GPHN: variants seen among roughly 807,000 people sequenced by gnomAD.
The protein encoded by GPHN is gephyrin.
In GPHN, 17 loss-of-function variants were observed where a neutral mutation model predicts 95.5. The observed-to-expected ratio is 0.18, with a 90% CI of 0.12 to 0.27. GPHN has a LOEUF of 0.27. Among genes scored for constraint, GPHN ranks in the 10% least tolerant of loss-of-function variants. The pLI is 1.00. For synonymous variants in GPHN, 320 were observed against 322.5 expected (o/e 0.99, Z 0.08); for missense variants, 660 against 978.1 (o/e 0.67, Z 4.34).
At chr14:67,017,592 T>C (rs951731958) in intron 9 of GPHN, among the ~76,000 whole-genome samples, 7 of 152,120 alleles carry the variant, frequency 4.6e-5, no homozygotes, top group African/African-American at 1.7e-4. Context: ...CTATCATCTC[T>C]GTCATTACAG....
At chr14:66,852,414 T>C (rs907536420) in intron 4 of GPHN, among the ~76,000 whole-genome samples, 1 of 152,232 alleles carries the variant, frequency 6.6e-6, no homozygotes, top group African/African-American at 2.4e-5. Flanking sequence ...CGTGTTCACC[T>C]GTGCACACAT....
chr14:67,391,630 A>G, the GPHN span, among the ~76,000 whole-genome samples: 3 of 152,202 alleles, frequency 2.0e-5, no homozygotes, highest in Non-Finnish European at 4.4e-5. Context: ...ACACACATTC[A>G]CATGGTATAC....
the GPHN span, chr14:67,571,795 C>T: frequency 6.2e-7 from 1 of 1,613,970 alleles, no homozygotes; most frequent in Non-Finnish European, 8.5e-7. Flanking sequence ...GACGAGTCCT[C>T]TGGGTCTGAC....
the GPHN span, among the ~76,000 whole-genome samples, chr14:67,327,085 G>A: frequency 1.1e-4 from 17 of 152,288 alleles, no homozygotes; most frequent in Middle Eastern, 6.8e-3. Context: ...TGAGGCCGGA[G>A]AATCACTTGA....
At chr14:67,038,386 A>G (rs1001731535) in intron 10 of GPHN, among the ~76,000 whole-genome samples, 7 of 152,256 alleles carry the variant, frequency 4.6e-5, no homozygotes, top group Middle Eastern at 6.8e-3. Context: ...AATAATATGC[A>G]TATATTGTTA....
rs9323485 is a variant in GPHN, at chr14:66,776,779, A to G, written c.201+258A>G. On this transcript the variant is annotated intron_variant, in intron 3 of 22. Coordinates refer to ENST00000478722, the MANE Select transcript of GPHN (RefSeq NM_020806.5). ...CCTGTGTAGTTCATTAAAAATCTACATAAGAAAACACTGTGTATAAGCATT... is the reference window on the plus strand; with the variant it reads ...CCTGTGTAGTTCATTAAAAATCTACGTAAGAAAACACTGTGTATAAGCATT... Among the ~76,000 whole-genome samples, 35,725 of 152,076 alleles carry G rather than the reference A, an allele frequency of 0.23. 8,267 individuals carry two copies. Among genetic ancestry groups the G allele is most frequent in the African/African-American group, 0.56 (23,245 of 41,430 alleles).
intron 1 of GPHN, among the ~76,000 whole-genome samples, chr14:66,624,293 A>G (rs533820186): frequency 3.9e-5 from 6 of 152,342 alleles, no homozygotes; most frequent in Middle Eastern, 3.4e-3. Flanking sequence ...CTAAATTACT[A>G]TAGCCCTTGA....
intron 4 of GPHN, among the ~76,000 whole-genome samples, 161 bp downstream of exon 4, chr14:66,824,727 A>G (rs550202241): frequency 2.8e-4 from 42 of 152,238 alleles, no homozygotes; most frequent in Non-Finnish European, 5.3e-4. Context: ...ATTGTGAAAA[A>G]TGTTTCCTGA....
At chr14:67,710,189 A>G in the GPHN span, among the ~76,000 whole-genome samples, 1 of 152,204 alleles carries the variant, frequency 6.6e-6, no homozygotes, top group Non-Finnish European at 1.5e-5. Context: ...CTTTGGGTAC[A>G]TGTCATCAGG....
At chr14:66,929,546 T>C (rs2066666402) in intron 8 of GPHN, among the ~76,000 whole-genome samples, 1 of 152,154 alleles carries the variant, frequency 6.6e-6, no homozygotes, top group Admixed American at 6.5e-5. Context: ...GCTGAATTGA[T>C]TCCTTTATCA....
chr14:67,069,603 A>G (rs996825290), intron 11 of GPHN, among the ~76,000 whole-genome samples: 8 of 152,264 alleles, frequency 5.3e-5, no homozygotes, highest in African/African-American at 1.9e-4. Context: ...CAAAGAACCT[A>G]GGTCAAAGAC....
chr14:66,572,802 A>G (rs1373349421), intron 1 of GPHN, among the ~76,000 whole-genome samples: 1 of 152,192 alleles, frequency 6.6e-6, no homozygotes, highest in Non-Finnish European at 1.5e-5. Flanking sequence ...CGTTGAATAG[A>G]AGTCGTGAGA....
chr14:66,588,323 G>A (rs1443271905), intron 1 of GPHN, among the ~76,000 whole-genome samples: 1 of 151,994 alleles, frequency 6.6e-6, no homozygotes, highest in Non-Finnish European at 1.5e-5. Flanking sequence ...AAACCAGAAT[G>A]CCTCTTCTCC....
the GPHN span, among the ~76,000 whole-genome samples, chr14:67,632,978 G>A: frequency 4.6e-5 from 7 of 151,404 alleles, no homozygotes; most frequent in African/African-American, 9.7e-5. Flanking sequence ...CCGCCACCAC[G>A]CCCGGCTAAT....
chr14:67,498,979 T>TTTTTTTTATTTATTTA, the GPHN span, among the ~76,000 whole-genome samples: 1 of 146,510 alleles, frequency 6.8e-6, no homozygotes, highest in South Asian at 2.2e-4. Flanking sequence ...AAGGCAATGG[T>TTTTTTTTATTTATTTA]TTTATTTATT....
the GPHN span, among the ~76,000 whole-genome samples, chr14:67,610,576 A>C: frequency 6.6e-6 from 1 of 152,146 alleles, no homozygotes; most frequent in African/African-American, 2.4e-5. Context: ...TAACTTCCTC[A>C]ACTACTCCTA....
At chr14:67,669,094 T>A in the GPHN span, among the ~76,000 whole-genome samples, 1 of 152,160 alleles carries the variant, frequency 6.6e-6, no homozygotes, top group Admixed American at 6.5e-5. Flanking sequence ...AAAAACCCTG[T>A]GAAGTAGATA....
chr14:66,863,580 T>A (rs2063115768), intron 4 of GPHN, among the ~76,000 whole-genome samples: 1 of 152,056 alleles, frequency 6.6e-6, no homozygotes, highest in South Asian at 2.1e-4. Flanking sequence ...ATTATAGAGC[T>A]ATAGTAGCTA....
At chr14:67,662,896 C>CT in the GPHN span, 313 of 1,091,476 alleles carry the variant, frequency 2.9e-4, 1 homozygote, top group Non-Finnish European at 3.3e-4. Context: ...GAGCAAGACT[C>CT]TGTCTCAAAA....
Sources: gnomAD v4.1 joint callset for allele counts (sites outside exome capture counted in the v4.1 genomes callset) on GRCh38, gnomAD v4.1.1 for gene constraint, MANE v1.5 for transcripts, NCBI Gene and HGNC (gene_info 2026-07-23, HGNC 2026-07-21) for gene names.